SLCO6A1: variants seen among roughly 807,000 people sequenced by gnomAD.
The protein encoded by SLCO6A1 is cancer/testis antigen 48.
A neutral mutation model predicts 72.7 loss-of-function variants in SLCO6A1; 65 were observed. The ratio of observed to expected loss-of-function variants is 0.89; its 90% CI spans 0.73 to 1.10. SLCO6A1 has a LOEUF of 1.10. Among genes scored for constraint, SLCO6A1 ranks in the 50% least tolerant of loss-of-function variants. The pLI, the probability that SLCO6A1 is intolerant of heterozygous loss-of-function variation, is 0.00. For missense variants in SLCO6A1, 874 were observed against 872.6 expected (o/e 1.00, Z -0.02); for synonymous variants, 314 against 298.2 (o/e 1.05, Z -0.55).
intron 6 of SLCO6A1, among the ~76,000 whole-genome samples, chr5:102,440,745 C>T (rs1749790078): frequency 6.6e-6 from 1 of 152,156 alleles, no homozygotes; most frequent in African/African-American, 2.4e-5. Flanking sequence ...TTTTAATCCA[C>T]TAAGTTATGG....
chr5:102,408,995 T>C lies in SLCO6A1; in HGVS notation c.1626+3995A>G, dbSNP rs1355621049. 3.9e-5 allele frequency among the ~76,000 whole-genome samples: 6 copies of C among 152,140 alleles called. No homozygotes were observed. The East Asian group carries it at 1.2e-3, about 29-fold the overall frequency. ...GAACCTCTGGAAGAATATTCCATAT[T>C]GCTATTTTATAATGAAAACTATATC... On this transcript the variant is annotated intron_variant, in intron 9 of 13. Coordinates refer to ENST00000506729, the MANE Select transcript of SLCO6A1 (RefSeq NM_173488.5).
intron 7 of SLCO6A1, among the ~76,000 whole-genome samples, chr5:102,425,934 G>A (rs2112634456): frequency 6.6e-6 from 1 of 152,158 alleles, no homozygotes; most frequent in Middle Eastern, 3.4e-3. Flanking sequence ...TAGACCAATG[G>A]AACAGAACAC....
chr5:102,470,023 G>T (rs536715516), intron 4 of SLCO6A1, among the ~76,000 whole-genome samples: 1 of 152,238 alleles, frequency 6.6e-6, no homozygotes, highest in East Asian at 1.9e-4. Context: ...CTTGATCATG[G>T]TGGAACTTTT....
chr5:102,411,888 C>A (rs1047068345), intron 9 of SLCO6A1, among the ~76,000 whole-genome samples: 2 of 152,122 alleles, frequency 1.3e-5, no homozygotes, highest in Admixed American at 1.3e-4. Context: ...CGTAACATTT[C>A]TTTCAGGTCT....
At chr5:102,452,965 A>G (rs1750504731) in intron 6 of SLCO6A1, among the ~76,000 whole-genome samples, 1 of 152,212 alleles carries the variant, frequency 6.6e-6, no homozygotes, top group Non-Finnish European at 1.5e-5. Context: ...AGAACTATAG[A>G]ATTAATAGAG....
At chr5:102,462,868 CAA>C (rs1298051484) in intron 4 of SLCO6A1, among the ~76,000 whole-genome samples, 1 of 151,978 alleles carries the variant, frequency 6.6e-6, no homozygotes, top group African/African-American at 2.4e-5. Flanking sequence ...TTGGCTTAGG[CAA>C]AGAGTTAATG....
intron 6 of SLCO6A1, among the ~76,000 whole-genome samples, chr5:102,454,319 C>A (rs1750590200): frequency 6.6e-6 from 1 of 152,112 alleles, no homozygotes; most frequent in Non-Finnish European, 1.5e-5. Context: ...TGCCACAGAC[C>A]CTACTCTTCT....
intron 7 of SLCO6A1, among the ~76,000 whole-genome samples, chr5:102,426,319 A>G (rs1748889825): frequency 6.6e-6 from 1 of 152,218 alleles, no homozygotes; most frequent in Non-Finnish European, 1.5e-5. Flanking sequence ...AACTATCATC[A>G]GAGTGAATGG....
chr5:102,423,791 A>G (rs1230376858), intron 7 of SLCO6A1, among the ~76,000 whole-genome samples: 7 of 152,132 alleles, frequency 4.6e-5, no homozygotes, highest in Non-Finnish European at 7.4e-5. Context: ...CAACTACAGA[A>G]CTCTTCACCC....
chr5:102,431,594 G>T (rs890542990), intron 7 of SLCO6A1, among the ~76,000 whole-genome samples: 2 of 152,138 alleles, frequency 1.3e-5, no homozygotes, highest in African/African-American at 4.8e-5. Context: ...GGGTCCAAGA[G>T]AGTGGTTGGT....
At chr5:102,463,967 C>T (rs1313350630) in intron 4 of SLCO6A1, among the ~76,000 whole-genome samples, 1 of 150,942 alleles carries the variant, frequency 6.6e-6, no homozygotes, top group East Asian at 1.9e-4. Context: ...CATGTTCTCA[C>T]TCATTAGTGG....
At chr5:102,397,416 C>A (rs1465413518) in intron 10 of SLCO6A1, among the ~76,000 whole-genome samples, 2 of 152,284 alleles carry the variant, frequency 1.3e-5, no homozygotes, top group East Asian at 3.9e-4. Flanking sequence ...CTCTGCCTCT[C>A]CAAATATGTC....
intron 1 of SLCO6A1, among the ~76,000 whole-genome samples, chr5:102,485,538 C>T (rs916896149): frequency 2.0e-5 from 3 of 152,082 alleles, no homozygotes; most frequent in Non-Finnish European, 4.4e-5. Context: ...GTTTTGCATG[C>T]CTACATGACT....
chr5:102,446,050 T>C (rs1046321617), intron 6 of SLCO6A1, among the ~76,000 whole-genome samples: 24 of 152,218 alleles, frequency 1.6e-4, no homozygotes, highest in African/African-American at 5.1e-4. Context: ...TGAGGGTTTT[T>C]GTTGTTGATG....
chr5:102,478,965 G>A (rs1474969359), intron 2 of SLCO6A1, among the ~76,000 whole-genome samples: 1 of 152,130 alleles, frequency 6.6e-6, no homozygotes, highest in Non-Finnish European at 1.5e-5. Context: ...CAGTGTCAAT[G>A]TGATATTTCC....
At chr5:102,425,309 A>G (rs1748833211) in intron 7 of SLCO6A1, among the ~76,000 whole-genome samples, 1 of 152,196 alleles carries the variant, frequency 6.6e-6, no homozygotes, top group African/African-American at 2.4e-5. Flanking sequence ...GTATTCAAAT[A>G]GGAAGAGAGG....
chr5:102,458,462 T>A lies in SLCO6A1; in HGVS notation c.1051A>T (p.Lys351Ter). Residue 351 changes from lysine to a stop codon, truncating the protein, a stop_gained, in exon 6 of 14, where the codon AAA (lysine) becomes TAA (stop). Coordinates refer to ENST00000506729, the MANE Select transcript of SLCO6A1 (RefSeq NM_173488.5). LOFTEE classifies it high-confidence loss of function. ...GSTRIKARKR[K>*]QLHFFDSRLK... ...CTGCTGTCAAAAAAATGAAGCTGTT[T>A]ACGTTTCCTAGCTTTTATCCGTGTT... 1 of 1,612,846 alleles carries A rather than the reference T, an allele frequency of 6.2e-7. No homozygotes were observed. The highest frequency in any genetic ancestry group is 1.1e-5 in the South Asian group (1 of 90,948).
intron 6 of SLCO6A1, among the ~76,000 whole-genome samples, chr5:102,448,224 T>C (rs893494516): frequency 2.0e-5 from 3 of 152,206 alleles, no homozygotes; most frequent in African/African-American, 4.8e-5. Flanking sequence ...TATTGCACTG[T>C]TGTTTGAGAG....
chr5:102,493,374 T>C (rs1752772354), intron 1 of SLCO6A1, among the ~76,000 whole-genome samples: 1 of 152,136 alleles, frequency 6.6e-6, no homozygotes, highest in African/African-American at 2.4e-5. Flanking sequence ...CAATATATCA[T>C]ATTAATACAA....
Sources: gnomAD v4.1 joint callset for allele counts (sites outside exome capture counted in the v4.1 genomes callset) on GRCh38, gnomAD v4.1.1 for gene constraint, MANE v1.5 for transcripts, NCBI Gene and HGNC (gene_info 2026-07-23, HGNC 2026-07-21) for gene names.